Variants in MCTP1 observed in about 807,000 individuals in gnomAD.
MCTP1 encodes the protein multiple C2 and transmembrane domain-containing protein 1.
A neutral mutation model predicts 120.6 loss-of-function variants in MCTP1; 69 were observed. The ratio of observed to expected loss-of-function variants is 0.57; its 90% CI spans 0.47 to 0.70. The LOEUF is 0.70. Ranked by LOEUF, MCTP1 falls within the 30% of genes least tolerant of loss-of-function variation. MCTP1 has a pLI of 0.00. For missense variants in MCTP1, 1,203 were observed against 1,248.8 expected, an observed-to-expected ratio of 0.96 and a Z score of 0.55; for synonymous variants, 529 against 493.1, an observed-to-expected ratio of 1.07 and a Z score of -0.96.
Position 94,707,528 on chromosome 5 carries a change from G to A in MCTP1, c.2968C>T (p.Pro990Ser), listed in dbSNP as rs1373525409. Residue 990 changes from proline (P) to serine (S), a missense_variant, in exon 23 of 23, where the codon CCA becomes TCA. Physicochemically the swap from Pro to Ser is moderately conservative, Grantham distance 74 (BLOSUM62 -1). Coordinates refer to ENST00000515393, the MANE Select transcript of MCTP1 (RefSeq NM_024717.7). ...AGATTGTTTTTCTTTCTTTTATATGGGCTATGAGAAGGATCTGGTTTCAGT... is the reference window on the plus strand; with the variant it reads ...AGATTGTTTTTCTTTCTTTTATATGAGCTATGAGAAGGATCTGGTTTCAGT... ...QELKPDPSHS[P>S]YKRKKNNLG 1 of 1,611,750 alleles carries A rather than the reference G, an allele frequency of 6.2e-7. No homozygotes were observed. The highest frequency in any genetic ancestry group is 1.3e-5 in the African/African-American group (1 of 74,676).
At chr5:94,718,628 A>G (rs1194025087) in intron 19 of MCTP1, among the ~76,000 whole-genome samples, 1 of 152,216 alleles carries the variant, frequency 6.6e-6, no homozygotes, top group Admixed American at 6.5e-5. Flanking sequence ...CAAAGGTCTA[A>G]TATCCAGAAT....
At chr5:95,226,488 G>C (rs1369722183) in intron 1 of MCTP1, among the ~76,000 whole-genome samples, 1 of 152,082 alleles carries the variant, frequency 6.6e-6, no homozygotes, top group Non-Finnish European at 1.5e-5. Flanking sequence ...CATTTTCGGA[G>C]TAAATCTTGG....
At chr5:95,160,631 T>C (rs985252925) in intron 1 of MCTP1, among the ~76,000 whole-genome samples, 3 of 152,178 alleles carry the variant, frequency 2.0e-5, no homozygotes, top group Admixed American at 6.5e-5. Context: ...AAAAAGCTTC[T>C]GCACAGCAAA....
At chr5:95,141,689 C>G (rs375051107) in intron 1 of MCTP1, among the ~76,000 whole-genome samples, 2 of 152,136 alleles carry the variant, frequency 1.3e-5, no homozygotes, top group African/African-American at 4.8e-5. Flanking sequence ...CTCCCTACCC[C>G]ATCTTTCTCT....
chr5:94,796,651 ATATATAT>A (rs1291550405), intron 18 of MCTP1, among the ~76,000 whole-genome samples: 9 of 13,990 alleles, frequency 6.4e-4, no homozygotes, highest in Non-Finnish European at 2.0e-3. Flanking sequence ...AATATATATT[ATATATAT>A]TATATATATA....
intron 1 of MCTP1, among the ~76,000 whole-genome samples, chr5:95,130,488 T>A (rs943876943): frequency 2.6e-5 from 4 of 152,236 alleles, no homozygotes; most frequent in African/African-American, 9.6e-5. Context: ...CAATAAGATA[T>A]GGATTCCAGA....
intron 2 of MCTP1, among the ~76,000 whole-genome samples, chr5:94,976,538 T>G (rs957036950): frequency 2.6e-5 from 4 of 152,132 alleles, no homozygotes; most frequent in African/African-American, 4.8e-5. Flanking sequence ...ATTTGATTGA[T>G]TGATTGATTG....
At chr5:95,249,984 A>C (rs532951058) in intron 1 of MCTP1, among the ~76,000 whole-genome samples, 1 of 152,236 alleles carries the variant, frequency 6.6e-6, no homozygotes, top group Admixed American at 6.5e-5. Flanking sequence ...AGGGCGGGGA[A>C]CATCACACAC....
intron 1 of MCTP1, among the ~76,000 whole-genome samples, chr5:95,197,698 G>A (rs1025619692): frequency 2.6e-5 from 4 of 151,990 alleles, no homozygotes; most frequent in Non-Finnish European, 4.4e-5. Context: ...ATATACATAA[G>A]TTTTTGTAGA....
intron 7 of MCTP1, among the ~76,000 whole-genome samples, chr5:94,921,370 T>C (rs1015151926): frequency 6.6e-6 from 1 of 152,244 alleles, no homozygotes; most frequent in Non-Finnish European, 1.5e-5. Flanking sequence ...AGCACTGATG[T>C]TCCAGCTGAG....
chr5:94,819,135 T>TTCATTCATTCA (rs1561688535), intron 17 of MCTP1, among the ~76,000 whole-genome samples: 3 of 81,046 alleles, frequency 3.7e-5, no homozygotes, highest in African/African-American at 1.1e-4. Context: ...TCATTCATTC[T>TTCATTCATTCA]TTCATTCATT....
At chr5:95,158,836 G>A (rs1203103614) in intron 1 of MCTP1, among the ~76,000 whole-genome samples, 1 of 151,960 alleles carries the variant, frequency 6.6e-6, no homozygotes, top group African/African-American at 2.4e-5. Flanking sequence ...CTACTCAGGA[G>A]GCTTGAGCCG....
chr5:95,166,354 C>G (rs938089037), intron 1 of MCTP1, among the ~76,000 whole-genome samples: 1 of 152,136 alleles, frequency 6.6e-6, no homozygotes, highest in African/African-American at 2.4e-5. Flanking sequence ...AAACATACCT[C>G]TCCAATAGCA....
chr5:95,006,072 G>T (rs1834682726), intron 2 of MCTP1, among the ~76,000 whole-genome samples: 1 of 152,098 alleles, frequency 6.6e-6, no homozygotes, highest in African/African-American at 2.4e-5. Flanking sequence ...CACCCAGAGA[G>T]AAAACCTAGG....
rs1211529200 is a variant in MCTP1 at position 94,912,466 on chromosome 5, A to AAG, written c.1521+339_1521+340insCT. Among the ~76,000 whole-genome samples, 68 of 92,100 alleles carry AAG rather than the reference A, an allele frequency of 7.4e-4. 21 individuals carry two copies. Among genetic ancestry groups the AAG allele is most frequent in the Non-Finnish European group, 1.3e-3 (56 of 42,806 alleles). 60.4% of individuals were successfully genotyped at this position (92,100 alleles called of 152,430 possible). A position where few individuals can be genotyped will look rare whatever the true frequency, so the allele number is the denominator to read the frequency against. ...AAAAAAAAAAAAAAAAAAAAAAAAA[A>AAG]GCCGCACTCTGAGTACTTTATGTGC... is the stretch of plus-strand genomic sequence containing the variant. On this transcript the variant is annotated intron_variant, in intron 9 of 22. Coordinates refer to ENST00000515393, the MANE Select transcript of MCTP1 (RefSeq NM_024717.7).
At chr5:95,132,924 G>A (rs1276000490) in intron 1 of MCTP1, among the ~76,000 whole-genome samples, 3 of 152,042 alleles carry the variant, frequency 2.0e-5, no homozygotes, top group Admixed American at 1.3e-4. Context: ...CTGACCCCTC[G>A]CTCAATAAGT....
intron 17 of MCTP1, chr5:94,826,161 C>G: frequency 2.7e-6 from 1 of 370,676 alleles, no homozygotes; most frequent in South Asian, 2.8e-5. Context: ...CCATATTTAC[C>G]AAGAGATCGA....
intron 1 of MCTP1, among the ~76,000 whole-genome samples, chr5:95,091,336 C>T (rs1156440630): frequency 3.9e-5 from 6 of 152,186 alleles, no homozygotes; most frequent in Non-Finnish European, 8.8e-5. Context: ...TGCAATTACC[C>T]TTTGTGGCAA....
intron 1 of MCTP1, among the ~76,000 whole-genome samples, chr5:95,168,245 A>T (rs571590122): frequency 2.0e-5 from 3 of 152,008 alleles, no homozygotes; most frequent in Non-Finnish European, 4.4e-5. Flanking sequence ...GTTCTGTTCC[A>T]TTGGTTTATT....
Sources: allele counts gnomAD v4.1 joint callset (sites outside exome capture counted in the v4.1 genomes callset), GRCh38; gene constraint gnomAD v4.1.1; transcripts MANE v1.5; gene names NCBI Gene and HGNC (gene_info 2026-07-23, HGNC 2026-07-21).